PAK5: variants seen among roughly 807,000 people sequenced by gnomAD.
The protein encoded by PAK5 is p21 (RAC1) activated kinase 5.
A neutral mutation model predicts 65.9 loss-of-function variants in PAK5; 16 were observed. The ratio of observed to expected loss-of-function variants is 0.24; its 90% CI spans 0.16 to 0.37. The LOEUF is 0.37. Among genes scored for constraint, PAK5 ranks in the 10% least tolerant of loss-of-function variants. PAK5 has a pLI of 1.00. For synonymous variants in PAK5, 371 were observed against 354.9 expected, an observed-to-expected ratio of 1.05 and a Z score of -0.51; for missense variants, 785 against 903.9, an observed-to-expected ratio of 0.87 and a Z score of 1.69.
At chr20:9,666,387 GAAAA>G (rs200148322) in intron 2 of PAK5, among the ~76,000 whole-genome samples, 1 of 113,824 alleles carries the variant, frequency 8.8e-6, no homozygotes, top group African/African-American at 3.1e-5. Flanking sequence ...TGAGAACTTG[GAAAA>G]AAAAAAAAAA....
chr20:9,653,088 A>G (rs2047222085), intron 2 of PAK5, among the ~76,000 whole-genome samples: 1 of 152,056 alleles, frequency 6.6e-6, no homozygotes, highest in Admixed American at 6.6e-5. Context: ...ATCCCTCTCA[A>G]CTTTCTGCAA....
intron 2 of PAK5, among the ~76,000 whole-genome samples, chr20:9,673,188 T>C (rs2047524286): frequency 6.6e-6 from 1 of 152,106 alleles, no homozygotes; most frequent in South Asian, 2.1e-4. Flanking sequence ...TTATAACAGA[T>C]GGAAGAAACC....
intron 1 of PAK5, among the ~76,000 whole-genome samples, chr20:9,752,975 T>G (rs536684964): frequency 6.6e-6 from 1 of 152,232 alleles, no homozygotes; most frequent in East Asian, 1.9e-4. Context: ...GAACAAGTCT[T>G]CTGCAATATG....
intron 2 of PAK5, among the ~76,000 whole-genome samples, chr20:9,701,466 AT>A (rs1450683298): frequency 1.3e-5 from 2 of 152,236 alleles, no homozygotes; most frequent in Middle Eastern, 3.4e-3. Flanking sequence ...CCTGTTAACC[AT>A]GTGAAAAAGA....
intron 3 of PAK5, among the ~76,000 whole-genome samples, chr20:9,621,098 C>G (rs528466295): frequency 6.6e-6 from 1 of 151,780 alleles, no homozygotes; most frequent in Non-Finnish European, 1.5e-5. Flanking sequence ...GATTCAAGCA[C>G]GACACAAAAG....
intron 2 of PAK5, among the ~76,000 whole-genome samples, chr20:9,668,130 A>G (rs2423399): frequency 0.66 from 100,294 of 151,918 alleles, 33,770 homozygotes; most frequent in East Asian, 0.94. Context: ...GAGAAGCCGC[A>G]TGTTAGGGTA....
chr20:9,571,874 T>TCG (rs1435735177), intron 4 of PAK5, among the ~76,000 whole-genome samples: 1 of 39,350 alleles, frequency 2.5e-5, no homozygotes, highest in African/African-American at 8.0e-5. Flanking sequence ...GCATGAATGA[T>TCG]GGGGGGGGGG....
At chr20:9,785,938 A>C (rs534978738) in intron 1 of PAK5, among the ~76,000 whole-genome samples, 20 of 152,000 alleles carry the variant, frequency 1.3e-4, no homozygotes, top group African/African-American at 4.1e-4. Context: ...GACCCTCCCC[A>C]CCTGCCTATC....
chr20:9,823,679 G>A (rs1444574463), intron 1 of PAK5, among the ~76,000 whole-genome samples: 1 of 152,122 alleles, frequency 6.6e-6, no homozygotes, highest in Admixed American at 6.5e-5. Context: ...CCAGTCTTGG[G>A]TATGTCTTTA....
At chr20:9,643,955 T>G (rs1291717433) in intron 3 of PAK5, among the ~76,000 whole-genome samples, 170 bp downstream of exon 3, 2 of 151,998 alleles carry the variant, frequency 1.3e-5, no homozygotes, top group Non-Finnish European at 2.9e-5. Flanking sequence ...TGGGCTGCAA[T>G]TTATAAGAAA....
At chr20:9,600,760 C>T (rs141063007) in intron 3 of PAK5, among the ~76,000 whole-genome samples, 1 of 152,308 alleles carries the variant, frequency 6.6e-6, no homozygotes, top group African/African-American at 2.4e-5. Context: ...CAGAGTCTTC[C>T]ACTGGAATAA....
At chr20:9,719,922 T>C (rs1021201820) in intron 1 of PAK5, among the ~76,000 whole-genome samples, 5 of 152,224 alleles carry the variant, frequency 3.3e-5, no homozygotes, top group South Asian at 4.1e-4. Flanking sequence ...GTTTAAGTTA[T>C]ATGGAAATTA....
At chr20:9,691,603 T>C (rs1156634800) in intron 2 of PAK5, among the ~76,000 whole-genome samples, 1 of 152,180 alleles carries the variant, frequency 6.6e-6, no homozygotes, top group Admixed American at 6.5e-5. Flanking sequence ...GAAGACATCA[T>C]GGATTTCTAG....
intron 1 of PAK5, among the ~76,000 whole-genome samples, chr20:9,819,189 G>A (rs1184808378): frequency 2.0e-5 from 3 of 152,228 alleles, no homozygotes; most frequent in African/African-American, 4.8e-5. Flanking sequence ...TTTTATCACC[G>A]ATTTCCCTCC....
At chr20:9,780,846 T>G (rs2048933642) in intron 1 of PAK5, among the ~76,000 whole-genome samples, 1 of 152,088 alleles carries the variant, frequency 6.6e-6, no homozygotes, top group Admixed American at 6.6e-5. Context: ...ACTTCAAAAT[T>G]TATAATTATA....
At position 9,560,400 on chromosome 20, in the gene PAK5, C is replaced by T. The variant is rs58634826; in HGVS notation, c.1616+2491G>A. Among the ~76,000 whole-genome samples the T allele has an allele frequency of 1.3e-3, 196 of 152,250 alleles. 2 individuals are homozygous for T. The East Asian group carries it at 0.032, about 25-fold the overall frequency. On this transcript the variant is annotated intron_variant, in intron 6 of 9. Coordinates refer to ENST00000353224, the MANE Select transcript of PAK5 (RefSeq NM_177990.4). ...TTTGAGATAGAGTCTTGCTCTGTTGCCCAGGCTGGAGTGTAACGGCGCAAT... is the reference window on the plus strand; with the variant it reads ...TTTGAGATAGAGTCTTGCTCTGTTGTCCAGGCTGGAGTGTAACGGCGCAAT...
intron 3 of PAK5, among the ~76,000 whole-genome samples, chr20:9,608,200 T>C (rs2046490733): frequency 6.6e-6 from 1 of 152,324 alleles, no homozygotes; most frequent in South Asian, 2.1e-4. Flanking sequence ...GGTAAGGATT[T>C]CAACATACAA....
At chr20:9,668,189 T>C (rs779113656) in intron 2 of PAK5, among the ~76,000 whole-genome samples, 2 of 152,142 alleles carry the variant, frequency 1.3e-5, no homozygotes, top group African/African-American at 2.4e-5. Flanking sequence ...CCTAAGACAA[T>C]AGCACATGTA....
At chr20:9,759,795 T>C (rs1200012122) in intron 1 of PAK5, among the ~76,000 whole-genome samples, 1 of 152,154 alleles carries the variant, frequency 6.6e-6, no homozygotes, top group Non-Finnish European at 1.5e-5. Context: ...CTCAGGAATG[T>C]TGGGTCATGG....
Sources: gnomAD v4.1 joint callset for allele counts (sites outside exome capture counted in the v4.1 genomes callset) on GRCh38, gnomAD v4.1.1 for gene constraint, MANE v1.5 for transcripts, NCBI Gene and HGNC (gene_info 2026-07-23, HGNC 2026-07-21) for gene names.